The following ECE1 variants were observed in gnomAD, a reference collection of about 807,000 sequenced individuals.
ECE1 encodes the protein endothelin converting enzyme 1, also known as endothelin-converting enzyme 1.
ECE1 carries 35 observed loss-of-function variants against 98.6 expected under a neutral mutation model. The observed-to-expected ratio is 0.35, with a 90% CI of 0.27 to 0.47. ECE1 has a LOEUF of 0.47. Ranked by LOEUF, ECE1 falls within the 20% of genes least tolerant of loss-of-function variation. The pLI is 1.00. For synonymous variants in ECE1, 394 were observed against 407.1 expected (o/e 0.97, Z 0.39); for missense variants, 814 against 1,025.3 (o/e 0.79, Z 2.81).
intron 2 of ECE1, among the ~76,000 whole-genome samples, chr1:21,284,784 G>A (rs549073939): frequency 3.0e-4 from 46 of 152,324 alleles, no homozygotes; most frequent in African/African-American, 1.0e-3. Flanking sequence ...GAGTCAGGTC[G>A]GAAGGGAAGG....
intron 2 of ECE1, among the ~76,000 whole-genome samples, chr1:21,282,847 G>A (rs2098256394): frequency 6.6e-6 from 1 of 151,198 alleles, no homozygotes. Flanking sequence ...AGGGAAAAAA[G>A]AACAATGGCA....
At chr1:21,303,473 G>A (rs1163276033) in intron 1 of ECE1, among the ~76,000 whole-genome samples, 3 of 152,190 alleles carry the variant, frequency 2.0e-5, no homozygotes, top group Non-Finnish European at 4.4e-5. Context: ...ATTGTTACAA[G>A]GATTACATGA....
chr1:21,286,358 T>A (rs945730203), intron 2 of ECE1, among the ~76,000 whole-genome samples: 2 of 152,230 alleles, frequency 1.3e-5, no homozygotes, highest in Non-Finnish European at 2.9e-5. Context: ...ATAATCCTTG[T>A]AATAACCTAA....
At chr1:21,318,857 G>A (rs927678673) in intron 1 of ECE1, among the ~76,000 whole-genome samples, 6 of 152,156 alleles carry the variant, frequency 3.9e-5, no homozygotes, top group African/African-American at 7.2e-5. Flanking sequence ...CACTTCTGTC[G>A]GGGGAGACGC....
rs1170914085 is a variant in ECE1 at position 21,327,352 on chromosome 1, G to A, written c.3+18024C>T. Among the ~76,000 whole-genome samples the A allele has an allele frequency of 1.3e-5, 2 of 152,116 alleles. No individual in the cohort carries two copies. Among genetic ancestry groups the A allele is most frequent in the African/African-American group, 4.8e-5 (2 of 41,430 alleles). On this transcript the variant is annotated intron_variant, in intron 1 of 18. Transcript: ENST00000415912. The surrounding 1 kb of genome is among the most constrained non-coding windows in gnomAD (Gnocchi z 4.6). The stretch of plus-strand genomic sequence containing the variant: ...GCTCTGTTTTCTCATTTGTCAAAGC[G>A]ACGGGCTGATCCCCTGCCCCACTCC...
At chr1:21,228,742 T>C (rs1234787444) in intron 14 of ECE1, among the ~76,000 whole-genome samples, 3 of 151,544 alleles carry the variant, frequency 2.0e-5, no homozygotes, top group African/African-American at 7.3e-5. Context: ...TGAGCTGAGA[T>C]TGAGCCACTG....
intron 1 of ECE1, among the ~76,000 whole-genome samples, chr1:21,330,226 CTTTTTTTT>C (rs71014186): frequency 1.4e-3 from 62 of 43,402 alleles, no homozygotes; most frequent in South Asian, 5.2e-3. Flanking sequence ...TCGCCAAATA[CTTTTTTTT>C]TTTTTTTTTT....
chr1:21,279,295 C>T lies in ECE1; in HGVS notation c.176G>A (p.Trp59Ter). The change falls in exon 3 of 19, where the codon TGG becomes TAG. Residue 59 changes from tryptophan to a stop codon, truncating the protein, a stop_gained. Transcript: ENST00000374893. LOFTEE classifies it high-confidence loss of function. ...CTTCTCCACCTGGGTCCGTGCAGCC[C>T]AGCACCTCTGGCCACTCCGGGGGCT... ...FHSPRSGQRC[W>*]AARTQVEKRL... The T allele has an allele frequency of 1.2e-6, 2 of 1,614,216 alleles. No homozygotes were observed. The highest frequency in any genetic ancestry group is 1.7e-6 in the Non-Finnish European group (2 of 1,180,052).
chr1:21,325,623 C>T (rs997078985), intron 1 of ECE1, among the ~76,000 whole-genome samples: 1 of 152,272 alleles, frequency 6.6e-6, no homozygotes, highest in African/African-American at 2.4e-5. Context: ...CACCTCACCT[C>T]ACCAAGCCTC....
At chr1:21,337,982 C>T (rs3026815) in intron 1 of ECE1, among the ~76,000 whole-genome samples, 34,851 of 152,096 alleles carry the variant, frequency 0.23, 4,114 homozygotes, top group South Asian at 0.35. Context: ...CTGGAAGGAA[C>T]AGCTCATGTG....
intron 8 of ECE1, among the ~76,000 whole-genome samples, chr1:21,251,801 C>T (rs2098213214): frequency 6.6e-6 from 1 of 152,176 alleles, no homozygotes; most frequent in South Asian, 2.1e-4. Context: ...GGAAAACAGC[C>T]TCCCCTCCCA....
At chr1:21,245,252 C>T in intron 9 of ECE1, 149 bp from the exon 10 acceptor site, 1 of 702,330 alleles carries the variant, frequency 1.4e-6, no homozygotes, top group Non-Finnish European at 2.6e-6. Context: ...TTACTGCTCC[C>T]TAAGCACGTG....
intron 2 of ECE1, among the ~76,000 whole-genome samples, chr1:21,280,374 T>A (rs1045505382): frequency 8.6e-5 from 13 of 151,828 alleles, no homozygotes; most frequent in Non-Finnish European, 1.8e-4. Context: ...AGAAACAGAC[T>A]GGGGTGGGCA....
Position 21,258,605 on chromosome 1 carries a change from CCCCTCT to C in ECE1, c.762+82_762+87del. 6.9e-7 allele frequency: 1 copy of C among 1,455,900 alleles called. No individual in the cohort carries two copies. 90.2% of individuals were successfully genotyped at this position (1,455,900 alleles called of 1,614,324 possible). A position where few individuals can be genotyped will look rare whatever the true frequency, so the allele number is the denominator to read the frequency against. ...AGACCGCCGTCCCACCCAGGGCAAG[CCCCTCT>C]CCCACCCCAGGTCCTGCTAAACTCA... On this transcript the variant is annotated intron_variant, in intron 6 of 18. Coordinates refer to ENST00000374893, the MANE Select transcript of ECE1 (RefSeq NM_001397.3). This position sits in a 1 kb window ranked among gnomAD's most constrained non-coding sequence, Gnocchi z 4.2.
intron 18 of ECE1, among the ~76,000 whole-genome samples, chr1:21,221,231 G>A (rs749778273): frequency 2.0e-5 from 3 of 152,132 alleles, no homozygotes; most frequent in Non-Finnish European, 4.4e-5. Context: ...GTGCAGTGGC[G>A]TGATCTTGGT....
Position 21,219,897 on chromosome 1 carries a change from T to A in ECE1, c.*58A>T. The A allele has an allele frequency of 6.2e-7, 1 of 1,604,038 alleles. No individual in the cohort carries two copies. The highest frequency in any genetic ancestry group is 8.5e-7 in the Non-Finnish European group (1 of 1,174,276). On this transcript the variant is annotated 3_prime_UTR_variant, in exon 19 of 19. Coordinates refer to ENST00000374893, the MANE Select transcript of ECE1 (RefSeq NM_001397.3). This position sits in a 1 kb window ranked among gnomAD's most constrained non-coding sequence, Gnocchi z 4.5. ...GCTGAGCAATGCCCTGGAGGCTGGATGGGGGTCTCGTCCTCAGCCCCTTCC... is the reference window on the plus strand; with the variant it reads ...GCTGAGCAATGCCCTGGAGGCTGGAAGGGGGTCTCGTCCTCAGCCCCTTCC...
intron 18 of ECE1, among the ~76,000 whole-genome samples, chr1:21,221,522 T>C (rs1430549250): frequency 2.2e-4 from 34 of 152,182 alleles, no homozygotes; most frequent in Non-Finnish European, 7.3e-5. Flanking sequence ...AGAAGGGCCC[T>C]GGGTGATCAC....
intron 1 of ECE1, among the ~76,000 whole-genome samples, chr1:21,341,980 T>C (rs1639408303): frequency 6.6e-6 from 1 of 152,048 alleles, no homozygotes; most frequent in Non-Finnish European, 1.5e-5. Flanking sequence ...TCTACATACA[T>C]TGTACCCTCA....
chr1:21,292,511 T>A (rs1444716518), upstream of ECE1, among the ~76,000 whole-genome samples: 1 of 152,254 alleles, frequency 6.6e-6, no homozygotes, highest in Non-Finnish European at 1.5e-5. Context: ...TGTTACAGCA[T>A]CCTGTTTGTT....
Sources: allele counts gnomAD v4.1 joint callset (sites outside exome capture counted in the v4.1 genomes callset), GRCh38; gene constraint gnomAD v4.1.1; non-coding constraint Gnocchi (gnomAD v3.1); transcripts MANE v1.5; gene names NCBI Gene and HGNC (gene_info 2026-07-23, HGNC 2026-07-21).